Variants in STX1A observed in about 807,000 individuals in gnomAD.
The protein encoded by STX1A is syntaxin 1A.
A neutral mutation model predicts 37.8 loss-of-function variants in STX1A; 4 were observed. The observed-to-expected ratio is 0.11, with a 90% CI of 0.05 to 0.24. The LOEUF (loss-of-function observed/expected upper bound fraction) is 0.24. Among genes scored for constraint, STX1A ranks in the 10% least tolerant of loss-of-function variants. STX1A has a pLI of 1.00. For synonymous variants in STX1A, 135 were observed against 147.4 expected, an observed-to-expected ratio of 0.92 and a Z score of 0.61; for missense variants, 251 against 399.9, an observed-to-expected ratio of 0.63 and a Z score of 3.18.
chr7:73,704,116 A>AG, intron 6 of STX1A, 32 bp downstream of exon 6: 91 of 1,544,096 alleles, frequency 5.9e-5, no homozygotes, highest in Non-Finnish European at 7.5e-5. Flanking sequence ...TCCAGGCTCC[A>AG]GGCCCCGCCC....
rs1798614264 is a variant in STX1A at position 73,700,570 on chromosome 7, TC to T, written c.790-87del. 15 of 1,532,142 alleles carry T rather than the reference TC, an allele frequency of 9.8e-6. No homozygotes were observed. The South Asian group carries it at 1.7e-4, about 18-fold the overall frequency. The allele number at this position is 1,532,142 out of a possible 1,614,324, so 94.9% of individuals were successfully genotyped here. On this transcript the variant is annotated intron_variant, in intron 9 of 9. Coordinates refer to ENST00000222812, the MANE Select transcript of STX1A (RefSeq NM_004603.4). The surrounding 1 kb of genome is among the most constrained non-coding windows in gnomAD (Gnocchi z 4.4). The stretch of plus-strand genomic sequence containing the variant: ...ATGGCAAAGGCTGAGGACTGGACAG[TC>T]GGGGGGGATCCAAGCAGGGGAAGGT...
At chr7:73,719,152 C>T (rs948247319) in intron 1 of STX1A, among the ~76,000 whole-genome samples, 45 of 151,994 alleles carry the variant, frequency 3.0e-4, no homozygotes, top group African/African-American at 1.0e-3. Context: ...ACCGCGGTCC[C>T]CTCGTCTGTC....
intron 3 of STX1A, 125 bp downstream of exon 3, chr7:73,708,464 C>T (rs986828729): frequency 4.0e-5 from 36 of 900,774 alleles, no homozygotes; most frequent in Non-Finnish European, 5.1e-5. Context: ...CCGACCCTGG[C>T]CCGCCCAGAC....
chr7:73,709,084 G>T lies in STX1A; in HGVS notation c.69C>A (p.Thr23=). The part of the protein sequence containing the change: ...DSDDDDDVAV[T]VDRDRFMDEF... ...CATCCATGAAGCGGTCTCGGTCCAC[G>T]GTGACAGCGACATCATCATCATCAT... Residue 23 remains threonine, a synonymous_variant, in exon 2 of 10, where the codon ACC becomes ACA. Transcript: ENST00000222812. The surrounding 1 kb of genome is among the most constrained non-coding windows in gnomAD (Gnocchi z 4.2). 1 of 1,614,006 alleles carries T rather than the reference G, an allele frequency of 6.2e-7. No individual in the cohort carries two copies. Among genetic ancestry groups the T allele is most frequent in the Non-Finnish European group, 8.5e-7 (1 of 1,180,002 alleles).
chr7:73,715,514 G>A (rs1292192291), intron 1 of STX1A, among the ~76,000 whole-genome samples: 1 of 152,176 alleles, frequency 6.6e-6, no homozygotes, highest in Non-Finnish European at 1.5e-5. Context: ...AGACTGCTAG[G>A]AAGAACAGAC....
intron 1 of STX1A, among the ~76,000 whole-genome samples, chr7:73,715,427 C>CA (rs58545910): frequency 0.079 from 11,570 of 147,012 alleles, 864 homozygotes; most frequent in East Asian, 0.4. Flanking sequence ...TCTAAAAAAA[C>CA]AAAAAAAAAA....
In STX1A at chr7:73,705,197, A is replaced by G. The variant is rs782043152; in HGVS notation, c.236T>C (p.Met79Thr). Residue 79 changes from methionine to threonine, a missense_variant, in exon 4 of 10, where the codon ATG becomes ACG. Around this residue, in one of 2 missense-constraint regions of STX1A, gnomAD observed 214 missense variants for 367.6 expected, o/e 0.58. Coordinates refer to ENST00000222812, the MANE Select transcript of STX1A (RefSeq NM_004603.4). The surrounding 1 kb of genome is among the most constrained non-coding windows in gnomAD (Gnocchi z 5.2). ...EKTKEELEEL[M>T]SDIKKTANKV... ...GTTTGCTGTCTTCTTTATGTCGGAC[A>G]TGAGTTCTTCCAGCTCCTCCTTCGT... 7 of 1,613,950 alleles carry G rather than the reference A, an allele frequency of 4.3e-6. No homozygotes were observed. The highest frequency in any genetic ancestry group is 1.1e-5 in the South Asian group (1 of 91,072).
rs1159309281 is a variant in STX1A at position 73,717,636 on chromosome 7, C to A, written c.30+1966G>T. Among the ~76,000 whole-genome samples, 1 of 152,140 alleles carries A rather than the reference C, an allele frequency of 6.6e-6. No individual in the cohort carries two copies. The highest frequency in any genetic ancestry group is 2.4e-5 in the African/African-American group (1 of 41,420). On this transcript the variant is annotated intron_variant, in intron 1 of 9. Transcript: ENST00000222812. The surrounding 1 kb of genome is among the most constrained non-coding windows in gnomAD (Gnocchi z 4.1). ...AGAAAGCCCTCCCTGGGCAGGGCCA[C>A]CCAGCAATGGGTACAGCCTCCCTGG...
At position 73,702,711 on chromosome 7, in the gene STX1A, A is replaced by G. The variant is rs1554616067; in HGVS notation, c.678+134T>C. On this transcript the variant is annotated intron_variant, in intron 8 of 9. Transcript: ENST00000222812. This position sits in a 1 kb window ranked among gnomAD's most constrained non-coding sequence, Gnocchi z 4.7. The stretch of plus-strand genomic sequence containing the variant: ...CGGCAGGGCCCTGGCGGCAGTTTCA[A>G]CAGCGGGTGATTGGTTACCTGAGAA... 4 of 1,538,222 alleles carry G rather than the reference A, an allele frequency of 2.6e-6. No individual in the cohort carries two copies. The African/African-American group carries it at 5.4e-5, about 21-fold the overall frequency.
rs1798877924 is a variant in STX1A, at chr7:73,706,534, A to C, written c.209-1310T>G. Among the ~76,000 whole-genome samples the C allele has an allele frequency of 1.3e-5, 2 of 152,094 alleles. No individual in the cohort carries two copies. The highest frequency in any genetic ancestry group is 1.3e-4 in the Admixed American group (2 of 15,280). On this transcript the variant is annotated intron_variant, in intron 3 of 9. Transcript: ENST00000222812. This position sits in a 1 kb window ranked among gnomAD's most constrained non-coding sequence, Gnocchi z 4.6. ...CTTAGCGAGAGCCTGGGACTCCGCCAGGTCTCAACTGCTCAGCTCACGGGT... is the reference window on the plus strand; with the variant it reads ...CTTAGCGAGAGCCTGGGACTCCGCCCGGTCTCAACTGCTCAGCTCACGGGT...
chr7:73,700,636 G>C lies in STX1A; in HGVS notation c.789+94C>G. ...GGGCTGTCATGGGGAGCTCCTGAGA[G>C]AAGGGAGAGAGGTGGGATGGGGAGG... On this transcript the variant is annotated intron_variant, in intron 9 of 9. Transcript: ENST00000222812. This position sits in a 1 kb window ranked among gnomAD's most constrained non-coding sequence, Gnocchi z 4.4. 1 of 1,545,604 alleles carries C rather than the reference G, an allele frequency of 6.5e-7. No individual in the cohort carries two copies. The highest frequency in any genetic ancestry group is 8.8e-7 in the Non-Finnish European group (1 of 1,134,852).
At position 73,709,257 on chromosome 7, in the gene STX1A, G is replaced by A; in HGVS notation, c.31-135C>T. Reference sequence around the variant, plus strand: ...GGCCTCTGGGCAGGGACAAGAACAGGCCTGGCTGTTCCGCTCCCAGCCACA... The same window carrying A: ...GGCCTCTGGGCAGGGACAAGAACAGACCTGGCTGTTCCGCTCCCAGCCACA... On this transcript the variant is annotated intron_variant, in intron 1 of 9. Transcript: ENST00000222812. The surrounding 1 kb of genome is among the most constrained non-coding windows in gnomAD (Gnocchi z 4.2). 1.2e-6 allele frequency: 1 copy of A among 811,868 alleles called. No homozygotes were observed. The highest frequency in any genetic ancestry group is 2.3e-5 in the Admixed American group (1 of 42,618). The allele number at this position is 811,868 out of a possible 1,614,324, so 50.3% of individuals were successfully genotyped here.
rs991959386 is a variant in STX1A, at chr7:73,706,559, T to C, written c.209-1335A>G. On this transcript the variant is annotated intron_variant, in intron 3 of 9. Transcript: ENST00000222812. This position sits in a 1 kb window ranked among gnomAD's most constrained non-coding sequence, Gnocchi z 4.6. ...AGGTCTCAACTGCTCAGCTCACGGG[T>C]GGTGACTCAGAACCGGTCCCTATGA... Among the ~76,000 whole-genome samples, 1 of 151,988 alleles carries C rather than the reference T, an allele frequency of 6.6e-6. No individual in the cohort carries two copies. Among genetic ancestry groups the C allele is most frequent in the Non-Finnish European group, 1.5e-5 (1 of 67,998 alleles).
chr7:73,706,284 G>A lies in STX1A; in HGVS notation c.209-1060C>T, dbSNP rs564080047. Among the ~76,000 whole-genome samples the A allele has an allele frequency of 6.6e-6, 1 of 152,268 alleles. No individual in the cohort carries two copies. Among genetic ancestry groups the A allele is most frequent in the South Asian group, 2.1e-4 (1 of 4,830 alleles). On this transcript the variant is annotated intron_variant, in intron 3 of 9. Coordinates refer to ENST00000222812, the MANE Select transcript of STX1A (RefSeq NM_004603.4). This position sits in a 1 kb window ranked among gnomAD's most constrained non-coding sequence, Gnocchi z 4.6. ...AGGGGGGGTTCCGAGGCGCGGAGGA[G>A]GGCGCCTCATCCGTAGGAACAAAGG...
At position 73,709,178 on chromosome 7, in the gene STX1A, A is replaced by C; in HGVS notation, c.31-56T>G. On this transcript the variant is annotated intron_variant, in intron 1 of 9. Transcript: ENST00000222812. This position sits in a 1 kb window ranked among gnomAD's most constrained non-coding sequence, Gnocchi z 4.2. Reference sequence around the variant, plus strand: ...GTATGTACAGGACCCACCTGTACACACGCAGGTGCCCAGGGTACAGCGCCA... The same window carrying C: ...GTATGTACAGGACCCACCTGTACACCCGCAGGTGCCCAGGGTACAGCGCCA... 1 of 1,562,990 alleles carries C rather than the reference A, an allele frequency of 6.4e-7. No individual in the cohort carries two copies. The highest frequency in any genetic ancestry group is 8.7e-7 in the Non-Finnish European group (1 of 1,143,810).
At chr7:73,701,492 A>G (rs976875163) in intron 8 of STX1A, among the ~76,000 whole-genome samples, 4 of 151,946 alleles carry the variant, frequency 2.6e-5, no homozygotes, top group African/African-American at 4.8e-5. Flanking sequence ...ACTGCACTCC[A>G]GCCTGATGAC....
At position 73,700,576 on chromosome 7, in the gene STX1A, G is replaced by A. The variant is rs1489104019; in HGVS notation, c.790-92C>T. On this transcript the variant is annotated intron_variant, in intron 9 of 9. Coordinates refer to ENST00000222812, the MANE Select transcript of STX1A (RefSeq NM_004603.4). This position sits in a 1 kb window ranked among gnomAD's most constrained non-coding sequence, Gnocchi z 4.4. Reference sequence around the variant, plus strand: ...AAGGCTGAGGACTGGACAGTCGGGGGGGATCCAAGCAGGGGAAGGTGACGG... The same window carrying A: ...AAGGCTGAGGACTGGACAGTCGGGGAGGATCCAAGCAGGGGAAGGTGACGG... 5.2e-6 allele frequency: 8 copies of A among 1,534,072 alleles called. No individual in the cohort carries two copies. The highest frequency in any genetic ancestry group is 1.4e-5 in the African/African-American group (1 of 72,972).
intron 1 of STX1A, among the ~76,000 whole-genome samples, chr7:73,716,326 C>G (rs1799288659): frequency 6.6e-6 from 1 of 152,230 alleles, no homozygotes; most frequent in Non-Finnish European, 1.5e-5. Flanking sequence ...TAAGGATGAA[C>G]CTGCCCGGTG....
intron 3 of STX1A, among the ~76,000 whole-genome samples, chr7:73,707,898 G>A (rs777677044): frequency 6.8e-5 from 10 of 147,850 alleles, no homozygotes; most frequent in Non-Finnish European, 1.0e-4. Flanking sequence ...TGGCACCACT[G>A]CACTGCAGCC....
Sources: allele counts gnomAD v4.1 joint callset (sites outside exome capture counted in the v4.1 genomes callset), GRCh38; gene constraint gnomAD v4.1.1; regional missense constraint gnomAD v4.1.1; non-coding constraint Gnocchi (gnomAD v3.1); transcripts MANE v1.5; gene names NCBI Gene and HGNC (gene_info 2026-07-23, HGNC 2026-07-21).